TAOK3: variants seen among roughly 807,000 people sequenced by gnomAD.
TAOK3 encodes TAO kinase 3.
A neutral mutation model predicts 120.4 loss-of-function variants in TAOK3; 40 were observed. The ratio of observed to expected loss-of-function variants is 0.33; its 90% confidence interval spans 0.26 to 0.43. The LOEUF is 0.43. Among genes scored for constraint, TAOK3 ranks in the 20% least tolerant of loss-of-function variants. The pLI, the probability that TAOK3 is intolerant of heterozygous loss-of-function variation, is 1.00. For missense variants in TAOK3, 821 were observed against 1,112.1 expected (o/e 0.74, Z 3.72); for synonymous variants, 355 against 387.5 (o/e 0.92, Z 0.99).
intron 14 of TAOK3, among the ~76,000 whole-genome samples, chr12:118,189,246 G>A (rs961303354): frequency 5.9e-5 from 9 of 152,028 alleles, no homozygotes; most frequent in Non-Finnish European, 1.3e-4. Context: ...CCGTCCCTGG[G>A]AAACAAGTAT....
intron 2 of TAOK3, among the ~76,000 whole-genome samples, chr12:118,256,683 C>T (rs986561054): frequency 1.3e-5 from 2 of 152,104 alleles, no homozygotes; most frequent in African/African-American, 2.4e-5. Context: ...TCCATATATA[C>T]ACACACACAT....
intron 1 of TAOK3, among the ~76,000 whole-genome samples, chr12:118,363,300 T>C (rs2045655515): frequency 1.3e-5 from 2 of 152,142 alleles, no homozygotes; most frequent in Non-Finnish European, 2.9e-5. Flanking sequence ...AATTATATCT[T>C]ACAATTGCAC....
intron 1 of TAOK3, among the ~76,000 whole-genome samples, chr12:118,350,499 A>T (rs938150520): frequency 6.6e-4 from 101 of 152,320 alleles, no homozygotes; most frequent in African/African-American, 2.3e-3. Flanking sequence ...GCACTCATTC[A>T]GCAATTGTTA....
At chr12:118,182,512 T>C (rs568198964) in intron 14 of TAOK3, among the ~76,000 whole-genome samples, 1 of 150,946 alleles carries the variant, frequency 6.6e-6, no homozygotes. Context: ...TCTCCAGATA[T>C]TGCCAAATGT....
intron 3 of TAOK3, among the ~76,000 whole-genome samples, chr12:118,254,984 G>C (rs558803790): frequency 6.6e-6 from 1 of 151,900 alleles, no homozygotes; most frequent in East Asian, 1.9e-4. Flanking sequence ...GGATGGTCTC[G>C]ATCTCCTGAC....
At chr12:118,331,645 C>CAA (rs57291591) in intron 1 of TAOK3, among the ~76,000 whole-genome samples, 655 of 46,892 alleles carry the variant, frequency 0.014, 26 homozygotes, top group African/African-American at 0.028. Flanking sequence ...ACTCTTATCT[C>CAA]AAAAAAAAAA....
At position 118,150,904 on chromosome 12, in the gene TAOK3, C is replaced by T. The variant is rs2034345175; in HGVS notation, c.*93G>A. 1.6e-6 allele frequency: 2 copies of T among 1,244,990 alleles called. No individual in the cohort carries two copies. The highest frequency in any genetic ancestry group is 1.5e-5 in the South Asian group (1 of 66,840). The allele number at this position is 1,244,990 out of a possible 1,614,324, so 77.1% of individuals were successfully genotyped here. The stretch of plus-strand genomic sequence containing the variant: ...AGAGAGAGAGAGAGTGAGAGCAACG[C>T]CCGTTAAAATGGGGAATGTGGTTTT... On this transcript the variant is annotated 3_prime_UTR_variant, in exon 21 of 21. Coordinates refer to ENST00000392533, the MANE Select transcript of TAOK3 (RefSeq NM_016281.4).
At chr12:118,346,444 C>A (rs954209400) in intron 1 of TAOK3, among the ~76,000 whole-genome samples, 1 of 152,142 alleles carries the variant, frequency 6.6e-6, no homozygotes, top group African/African-American at 2.4e-5. Context: ...ATAGAACATA[C>A]TACTAATAAA....
intron 1 of TAOK3, among the ~76,000 whole-genome samples, chr12:118,267,360 A>G (rs2041495621): frequency 6.6e-6 from 1 of 151,702 alleles, no homozygotes; most frequent in South Asian, 2.1e-4. Context: ...GATTATAGGC[A>G]TCTGCCACCA....
chr12:118,163,431 G>A (rs1469597258), intron 17 of TAOK3, among the ~76,000 whole-genome samples: 1 of 129,686 alleles, frequency 7.7e-6, no homozygotes, highest in African/African-American at 2.8e-5. Context: ...AATTAATACA[G>A]GGACATACTT....
intron 1 of TAOK3, among the ~76,000 whole-genome samples, chr12:118,356,422 T>G (rs368656441): frequency 1.3e-5 from 2 of 151,220 alleles, no homozygotes; most frequent in Admixed American, 6.6e-5. Context: ...GTCTCAGCCT[T>G]CCGAGTAACT....
intron 1 of TAOK3, among the ~76,000 whole-genome samples, chr12:118,269,383 C>CTTTTTTTT (rs1174725563): frequency 9.6e-5 from 10 of 103,892 alleles, no homozygotes; most frequent in East Asian, 2.8e-4. Context: ...TCTCTCTCTT[C>CTTTTTTTT]TTTTTTTTTT....
chr12:118,352,319 C>A (rs191873467), intron 1 of TAOK3, among the ~76,000 whole-genome samples: 67 of 151,932 alleles, frequency 4.4e-4, no homozygotes, highest in African/African-American at 1.5e-3. Flanking sequence ...GCCTGACCAA[C>A]ATGGTGAAAC....
At chr12:118,176,801 T>C (rs999993175) in intron 16 of TAOK3, among the ~76,000 whole-genome samples, 2 of 152,074 alleles carry the variant, frequency 1.3e-5, no homozygotes, top group African/African-American at 2.4e-5. Context: ...AGTTTTGCTC[T>C]TGTCGCCCAG....
At chr12:118,219,713 G>C (rs1353509272) in intron 9 of TAOK3, among the ~76,000 whole-genome samples, 2 of 144,860 alleles carry the variant, frequency 1.4e-5, no homozygotes, top group African/African-American at 2.6e-5. Flanking sequence ...TCCCATTTCT[G>C]TCTCCTGAGT....
At chr12:118,189,713 T>C (rs1555217263) in intron 14 of TAOK3, 94 bp downstream of exon 14, 3 of 1,449,936 alleles carry the variant, frequency 2.1e-6, no homozygotes, top group Non-Finnish European at 2.9e-6. Context: ...TTTCCTCCCA[T>C]CCATGAAGCC....
intron 1 of TAOK3, among the ~76,000 whole-genome samples, chr12:118,287,544 T>C (rs2042309593): frequency 1.3e-5 from 2 of 152,286 alleles, no homozygotes; most frequent in Middle Eastern, 3.4e-3. Flanking sequence ...AACCCTAAAC[T>C]GGAAAACAGA....
intron 1 of TAOK3, among the ~76,000 whole-genome samples, chr12:118,349,629 A>C (rs2045046029): frequency 6.6e-6 from 1 of 152,226 alleles, no homozygotes; most frequent in Non-Finnish European, 1.5e-5. Flanking sequence ...TAACAGGTAC[A>C]AAATTCTTTT....
chr12:118,238,211 C>T (rs376170585), intron 6 of TAOK3, 42 bp from the exon 7 acceptor site: 6 of 1,221,800 alleles, frequency 4.9e-6, no homozygotes, highest in Non-Finnish European at 7.2e-6. Context: ...TGATCAGTTT[C>T]ATTCCTCATT....
Sources: allele counts gnomAD v4.1 joint callset (sites outside exome capture counted in the v4.1 genomes callset), GRCh38; gene constraint gnomAD v4.1.1; transcripts MANE v1.5; gene names NCBI Gene and HGNC (gene_info 2026-07-23, HGNC 2026-07-21).